The following MAML2 variants were observed in gnomAD, a reference collection of about 807,000 sequenced individuals.
MAML2 encodes the protein mastermind-like protein 2.
Under a neutral mutation model 96.1 loss-of-function variants are expected in MAML2, and 22 were observed. That is an observed-to-expected ratio of 0.23 (90% CI 0.16 to 0.33). The LOEUF (loss-of-function observed/expected upper bound fraction) is 0.33, where lower values mean the gene tolerates loss of function less well. Among genes scored for constraint, MAML2 ranks in the 10% least tolerant of loss-of-function variants. The pLI is 1.00. For missense variants in MAML2, 1,367 were observed against 1,392.4 expected (o/e 0.98, Z 0.29); for synonymous variants, 561 against 521.3 (o/e 1.08, Z -1.04).
intron 1 of MAML2, among the ~76,000 whole-genome samples, chr11:96,195,435 T>A (rs982735621): frequency 6.6e-6 from 1 of 152,180 alleles, no homozygotes; most frequent in African/African-American, 2.4e-5. Flanking sequence ...AACCCAGGGA[T>A]TGCAGAGTTC....
At chr11:95,994,859 A>G (rs1203432113) in intron 2 of MAML2, among the ~76,000 whole-genome samples, 2 of 152,214 alleles carry the variant, frequency 1.3e-5, no homozygotes, top group African/African-American at 4.8e-5. Flanking sequence ...TTGCCATGCA[A>G]TGGACAAGAC....
At chr11:96,208,875 A>G (rs1251432477) in intron 1 of MAML2, among the ~76,000 whole-genome samples, 1 of 152,202 alleles carries the variant, frequency 6.6e-6, no homozygotes, top group Non-Finnish European at 1.5e-5. Flanking sequence ...ATAAATAAAA[A>G]CCAATAACAA....
Position 96,039,674 on chromosome 11 carries a change from C to T in MAML2, c.2140-47951G>A, listed in dbSNP as rs868368434. On this transcript the variant is annotated intron_variant, in intron 2 of 4. Coordinates refer to ENST00000524717, the MANE Select transcript of MAML2 (RefSeq NM_032427.4). ...AGGAAAAGAGATCATCGGCCGGGCG[C>T]GGTGGCTCACGCCTGTAATCCCAGC... 4.9e-4 allele frequency among the ~76,000 whole-genome samples: 74 copies of T among 150,258 alleles called. 1 individual carries two copies. Among genetic ancestry groups the T allele is most frequent in the Middle Eastern group, 3.5e-3 (1 of 286 alleles).
chr11:96,311,458 C>A (rs1023057153), intron 1 of MAML2, among the ~76,000 whole-genome samples: 2 of 152,144 alleles, frequency 1.3e-5, no homozygotes, highest in African/African-American at 2.4e-5. Context: ...TATGAATGCA[C>A]AATTCACCAC....
intron 1 of MAML2, among the ~76,000 whole-genome samples, chr11:96,310,350 G>T (rs997674054): frequency 6.6e-6 from 1 of 151,982 alleles, no homozygotes; most frequent in South Asian, 2.1e-4. Context: ...ATGTATCAGG[G>T]TTTATACCAT....
intron 1 of MAML2, among the ~76,000 whole-genome samples, chr11:96,260,176 G>A (rs1283901354): frequency 6.6e-6 from 1 of 151,762 alleles, no homozygotes; most frequent in African/African-American, 2.4e-5. Context: ...GAGTCACTCT[G>A]TGTGGTGTTG....
chr11:96,012,601 C>T (rs932745784), intron 2 of MAML2, among the ~76,000 whole-genome samples: 5 of 152,126 alleles, frequency 3.3e-5, no homozygotes, highest in African/African-American at 1.2e-4. Flanking sequence ...GGAGTATGAA[C>T]ATAATAAGCC....
chr11:96,047,890 C>T (rs372251773), intron 2 of MAML2, among the ~76,000 whole-genome samples: 8 of 113,260 alleles, frequency 7.1e-5, no homozygotes, highest in South Asian at 2.9e-4. Context: ...CCAGCCTGGG[C>T]GACAGGCAAG....
chr11:96,306,088 CATAT>C (rs1863457972), intron 1 of MAML2, among the ~76,000 whole-genome samples: 3 of 147,720 alleles, frequency 2.0e-5, no homozygotes, highest in African/African-American at 7.9e-5. Context: ...ATAACATATA[CATAT>C]ATAGTTTTCT....
intron 1 of MAML2, among the ~76,000 whole-genome samples, chr11:96,288,749 A>T (rs946117883): frequency 3.3e-5 from 5 of 152,232 alleles, no homozygotes; most frequent in African/African-American, 1.2e-4. Context: ...TGTGTATTAT[A>T]CATTTAAATT....
At chr11:96,222,645 C>T (rs1249324295) in intron 1 of MAML2, among the ~76,000 whole-genome samples, 11 of 152,114 alleles carry the variant, frequency 7.2e-5, no homozygotes, top group South Asian at 2.1e-4. Flanking sequence ...TGTTCTAATT[C>T]GATGCTCCAG....
At chr11:96,034,572 A>G (rs1212855212) in intron 2 of MAML2, among the ~76,000 whole-genome samples, 1 of 152,188 alleles carries the variant, frequency 6.6e-6, no homozygotes, top group Admixed American at 6.5e-5. Flanking sequence ...TCCATTTCTA[A>G]TGCAAAAAAA....
intron 2 of MAML2, among the ~76,000 whole-genome samples, chr11:96,015,855 A>G (rs975243865): frequency 1.3e-5 from 2 of 152,170 alleles, no homozygotes; most frequent in African/African-American, 4.8e-5. Flanking sequence ...GAGAGAATGC[A>G]TATGAGGTGC....
chr11:96,202,030 A>T (rs965900505), intron 1 of MAML2, among the ~76,000 whole-genome samples: 2 of 150,584 alleles, frequency 1.3e-5, no homozygotes, highest in Non-Finnish European at 3.0e-5. Flanking sequence ...AGAAAAAATC[A>T]TGTAAGAATT....
intron 1 of MAML2, among the ~76,000 whole-genome samples, chr11:96,309,301 T>C (rs550375441): frequency 6.6e-6 from 1 of 152,346 alleles, no homozygotes; most frequent in East Asian, 1.9e-4. Flanking sequence ...TTTAACCCTA[T>C]AGTTGTGATT....
At chr11:96,008,991 T>C (rs616351) in intron 2 of MAML2, among the ~76,000 whole-genome samples, 3,011 of 152,326 alleles carry the variant, frequency 0.02, 98 homozygotes, top group African/African-American at 0.068. Flanking sequence ...AGTTGCTTTT[T>C]TCAAGGTATT....
chr11:96,189,777 T>C (rs1244401739), intron 1 of MAML2, among the ~76,000 whole-genome samples: 1 of 152,226 alleles, frequency 6.6e-6, no homozygotes, highest in African/African-American at 2.4e-5. Flanking sequence ...AAGCTAATTC[T>C]TCATTCAGAA....
In MAML2 at chr11:96,341,807, G is replaced by C. The variant is rs747668061; in HGVS notation, c.89C>G (p.Pro30Arg). 2 of 1,602,308 alleles carry C rather than the reference G, an allele frequency of 1.2e-6. No individual in the cohort carries two copies. Among genetic ancestry groups the C allele is most frequent in the African/African-American group, 2.7e-5 (2 of 74,908 alleles). Reference protein sequence around the residue: ...AGLLGGGSVTPRVHSAIVERL... With the variant: ...AGLLGGGSVTRRVHSAIVERL... ...CTCCACGATAGCACTGTGCACTCTC[G>C]GGGTGACTGAGCCCCCTCCAAGGAG... is the stretch of plus-strand genomic sequence containing the variant. The change falls in exon 1 of 5, where the codon CCG becomes CGG. Residue 30 changes from proline to arginine, a missense_variant. Coordinates refer to ENST00000524717, the MANE Select transcript of MAML2 (RefSeq NM_032427.4).
chr11:96,149,175 A>G (rs1206913565), intron 1 of MAML2, among the ~76,000 whole-genome samples: 1 of 152,074 alleles, frequency 6.6e-6, no homozygotes, highest in Non-Finnish European at 1.5e-5. Flanking sequence ...GAACTTTGGG[A>G]GGCCGAGGTG....
Sources: allele counts gnomAD v4.1 joint callset (sites outside exome capture counted in the v4.1 genomes callset), GRCh38; gene constraint gnomAD v4.1.1; transcripts MANE v1.5; gene names NCBI Gene and HGNC (gene_info 2026-07-23, HGNC 2026-07-21).